Variants in TRAPPC9 observed in about 807,000 individuals in gnomAD.
TRAPPC9 encodes the protein trafficking protein particle complex subunit 9.
A neutral mutation model predicts 124.0 loss-of-function variants in TRAPPC9; 83 were observed. That is an observed-to-expected ratio of 0.67 (90% CI 0.56 to 0.80). TRAPPC9 has a LOEUF of 0.80. Among genes scored for constraint, TRAPPC9 ranks in the 30% least tolerant of loss-of-function variants. The probability of loss-of-function intolerance (pLI) is 0.00; values close to 1 mark genes in which losing one functional copy is unlikely to be tolerated. For missense variants in TRAPPC9, 1,302 were observed against 1,508.3 expected (o/e 0.86, Z 2.27); for synonymous variants, 638 against 617.5 (o/e 1.03, Z -0.49).
At chr8:140,202,784 C>G (rs1256043547) in intron 17 of TRAPPC9, among the ~76,000 whole-genome samples, 1 of 152,184 alleles carries the variant, frequency 6.6e-6, no homozygotes, top group Non-Finnish European at 1.5e-5. Flanking sequence ...TACTGGGCAT[C>G]TATTTCTAAG....
intron 17 of TRAPPC9, among the ~76,000 whole-genome samples, chr8:140,030,828 C>T (rs1840454567): frequency 6.6e-6 from 1 of 152,144 alleles, no homozygotes; most frequent in Non-Finnish European, 1.5e-5. Flanking sequence ...GCAAGGAGAT[C>T]GGCAGTTGCC....
chr8:140,427,634 TC>T (rs1231702080), intron 4 of TRAPPC9, among the ~76,000 whole-genome samples: 6 of 152,192 alleles, frequency 3.9e-5, no homozygotes, highest in African/African-American at 1.2e-4. Flanking sequence ...GGGTACTGGT[TC>T]CAAGAGTCAT....
chr8:140,429,024 T>C (rs1588338562), intron 4 of TRAPPC9, among the ~76,000 whole-genome samples: 1 of 152,048 alleles, frequency 6.6e-6, no homozygotes, highest in African/African-American at 2.4e-5. Context: ...CGGAAGCCAA[T>C]CTACTGAAGC....
At chr8:139,980,736 C>A (rs1380110138) in intron 19 of TRAPPC9, among the ~76,000 whole-genome samples, 1 of 152,190 alleles carries the variant, frequency 6.6e-6, no homozygotes, top group Non-Finnish European at 1.5e-5. Flanking sequence ...GAGGGCTCCG[C>A]GTGGCTCCAG....
intron 20 of TRAPPC9, among the ~76,000 whole-genome samples, chr8:139,898,797 G>A (rs948929804): frequency 6.6e-6 from 1 of 152,036 alleles, no homozygotes; most frequent in Non-Finnish European, 1.5e-5. Flanking sequence ...TTAAAAATCT[G>A]GCTTGAAGAG....
chr8:140,382,555 G>A (rs1045654204), intron 7 of TRAPPC9, among the ~76,000 whole-genome samples: 4 of 152,198 alleles, frequency 2.6e-5, no homozygotes, highest in African/African-American at 7.2e-5. Context: ...ACGGAGCCTC[G>A]CTCATTGCTA....
At chr8:140,079,955 T>A (rs1843721622) in intron 17 of TRAPPC9, among the ~76,000 whole-genome samples, 1 of 151,774 alleles carries the variant, frequency 6.6e-6, no homozygotes, top group Non-Finnish European at 1.5e-5. Context: ...ATGATAATAA[T>A]AAAAATGAAG....
chr8:140,316,464 AG>A (rs1177216244), intron 9 of TRAPPC9, among the ~76,000 whole-genome samples: 12 of 152,282 alleles, frequency 7.9e-5, no homozygotes, highest in African/African-American at 2.4e-4. Flanking sequence ...TTTATCATGA[AG>A]GGATGCTGAA....
intron 18 of TRAPPC9, among the ~76,000 whole-genome samples, chr8:140,021,958 C>A (rs1839858032): frequency 6.6e-6 from 1 of 152,192 alleles, no homozygotes; most frequent in African/African-American, 2.4e-5. Context: ...CTGCACATAT[C>A]CCAGCAATGG....
intron 19 of TRAPPC9, 22 bp from the exon 20 acceptor site, chr8:139,910,322 A>G: frequency 6.2e-7 from 1 of 1,614,166 alleles, no homozygotes; most frequent in South Asian, 1.1e-5. Flanking sequence ...GGGAAAACAC[A>G]GCAGAGAATT....
At chr8:140,429,169 C>T (rs2070538543) in intron 4 of TRAPPC9, among the ~76,000 whole-genome samples, 1 of 151,892 alleles carries the variant, frequency 6.6e-6, no homozygotes, top group Non-Finnish European at 1.5e-5. Context: ...GCAACCTCCG[C>T]TTCCCGGGTT....
At chr8:140,014,576 C>T (rs1424245184) in intron 18 of TRAPPC9, among the ~76,000 whole-genome samples, 1 of 152,090 alleles carries the variant, frequency 6.6e-6, no homozygotes, top group Non-Finnish European at 1.5e-5. Flanking sequence ...CACTCTCCCC[C>T]TAGGGAGTGC....
At chr8:139,836,518 C>CCCAGG (rs886424734) in intron 21 of TRAPPC9, among the ~76,000 whole-genome samples, 4 of 152,218 alleles carry the variant, frequency 2.6e-5, no homozygotes, top group Non-Finnish European at 5.9e-5. Flanking sequence ...TAGGGCCCAG[C>CCCAGG]CCAGGCCTGC....
chr8:139,740,181 C>T (rs923553276), intron 21 of TRAPPC9, among the ~76,000 whole-genome samples: 1 of 152,228 alleles, frequency 6.6e-6, no homozygotes, highest in Non-Finnish European at 1.5e-5. Context: ...TTCCTCAAGG[C>T]GTCACATCGG....
chr8:140,015,418 A>G (rs1261677965), intron 18 of TRAPPC9, among the ~76,000 whole-genome samples: 2 of 152,240 alleles, frequency 1.3e-5, no homozygotes, highest in African/African-American at 2.4e-5. Flanking sequence ...AATTCACAAT[A>G]CACCATGCAT....
At chr8:140,332,180 G>T (rs2066910708) in intron 9 of TRAPPC9, among the ~76,000 whole-genome samples, 2 of 152,168 alleles carry the variant, frequency 1.3e-5, no homozygotes, top group African/African-American at 4.8e-5. Flanking sequence ...ACTATGACAT[G>T]GTTGAACCTA....
At chr8:140,426,566 A>G (rs1182784630) in intron 5 of TRAPPC9, 49 bp downstream of exon 5, 15 of 1,570,530 alleles carry the variant, frequency 9.6e-6, no homozygotes, top group Non-Finnish European at 1.1e-5. Context: ...ACCATGAAAC[A>G]AGCACTTAAA....
At chr8:139,887,257 G>A (rs1291059716) in intron 20 of TRAPPC9, among the ~76,000 whole-genome samples, 5 of 135,014 alleles carry the variant, frequency 3.7e-5, no homozygotes, top group Admixed American at 8.0e-5. Context: ...ATCTCACTCT[G>A]TCACCCAGGC....
At chr8:140,231,958 G>C (rs2131377267) in intron 16 of TRAPPC9, among the ~76,000 whole-genome samples, 1 of 152,206 alleles carries the variant, frequency 6.6e-6, no homozygotes, top group Middle Eastern at 3.4e-3. Flanking sequence ...GCAGTTAGTA[G>C]AGACAGGGTT....
Sources: gnomAD v4.1 joint callset for allele counts (sites outside exome capture counted in the v4.1 genomes callset) on GRCh38, gnomAD v4.1.1 for gene constraint, MANE v1.5 for transcripts, NCBI Gene and HGNC (gene_info 2026-07-23, HGNC 2026-07-21) for gene names.